PCNT: variants seen among roughly 807,000 people sequenced by gnomAD.
The protein encoded by PCNT is kendrin.
In PCNT, 319 loss-of-function variants were observed where a neutral mutation model predicts 380.4. The ratio of observed to expected loss-of-function variants is 0.84; its 90% confidence interval spans 0.77 to 0.92. The LOEUF (loss-of-function observed/expected upper bound fraction) is 0.92. Among genes scored for constraint, PCNT ranks in the 40% least tolerant of loss-of-function variants. The pLI, the probability that PCNT is intolerant of heterozygous loss-of-function variation, is 0.00. For synonymous variants in PCNT, 1,845 were observed against 1,735.2 expected (o/e 1.06, Z -1.57); for missense variants, 4,400 against 4,255.3 (o/e 1.03, Z -0.95).
intron 41 of PCNT, 109 bp downstream of exon 41, chr21:46,438,446 C>T (rs2053521102): frequency 6.4e-6 from 6 of 942,228 alleles, no homozygotes; most frequent in South Asian, 4.0e-5. Flanking sequence ...GGGATGTGGG[C>T]GTCACCTTCT....
Position 46,440,211 on chromosome 21 carries a change from G to T in PCNT, c.9393+9G>T, listed in dbSNP as rs562812369. On this transcript the variant is annotated intron_variant, in intron 42 of 46. Transcript: ENST00000359568. ...ACACCAGCAATGTCAAGGTAGGAAC[G>T]GTGCCACGAGTATAGAACTTTGGTG... The T allele has an allele frequency of 1.2e-6, 2 of 1,613,750 alleles. No homozygotes were observed. Among genetic ancestry groups the T allele is most frequent in the African/African-American group, 1.3e-5 (1 of 74,926 alleles).
rs2085952597 is a variant in PCNT, at chr21:46,389,313, G to A, written c.3722G>A (p.Ser1241Asn). 1 of 1,614,150 alleles carries A rather than the reference G, an allele frequency of 6.2e-7. No homozygotes were observed. Among genetic ancestry groups the A allele is most frequent in the African/African-American group, 1.3e-5 (1 of 74,946 alleles). Residue 1241 changes from serine (S) to asparagine (N), a missense_variant, in exon 19 of 47, where the codon AGC (serine) becomes AAC (asparagine). Ser to Asn is a conservative substitution (Grantham distance 46, BLOSUM62 1). Transcript: ENST00000359568. ...GAAATTAGCAGCCACATGCGTGAAA[G>A]CTTTCTCATGAGCCCAGAAAGTGTG... ...VAEISSHMRE[S>N]FLMSPESVRE... is the part of the protein sequence containing the mutation.
At chr21:46,443,500 G>A (rs1296744524) in intron 44 of PCNT, among the ~76,000 whole-genome samples, 1 of 152,096 alleles carries the variant, frequency 6.6e-6, no homozygotes, top group Non-Finnish European at 1.5e-5. Context: ...TGGTCTCCAG[G>A]GTTCCTGCCC....
chr21:46,386,566 G>A (rs149148142), intron 17 of PCNT, among the ~76,000 whole-genome samples: 14 of 152,322 alleles, frequency 9.2e-5, no homozygotes, highest in Non-Finnish European at 1.8e-4. Flanking sequence ...TGCTTACCAC[G>A]GGCCGTGGGG....
At chr21:46,402,908 T>A (rs182248479) in intron 27 of PCNT, among the ~76,000 whole-genome samples, 3,566 of 152,316 alleles carry the variant, frequency 0.023, 45 homozygotes, top group Non-Finnish European at 0.03. Flanking sequence ...AATTTTTTTT[T>A]AAATTTTTGT....
At chr21:46,414,111 C>T (rs1340953892) in intron 29 of PCNT, among the ~76,000 whole-genome samples, 1 of 152,122 alleles carries the variant, frequency 6.6e-6, no homozygotes, top group Non-Finnish European at 1.5e-5. Context: ...GCAGCCTCAG[C>T]CTCCCGAGTA....
rs760552063 is a variant in PCNT, at chr21:46,411,366, G to A, written c.5293G>A (p.Asp1765Asn). 11 of 1,614,060 alleles carry A rather than the reference G, an allele frequency of 6.8e-6. No individual in the cohort carries two copies. Among genetic ancestry groups the A allele is most frequent in the Admixed American group, 5.0e-5 (3 of 60,034 alleles). ...LMGPVVHEVS[D>N]SQAGSLQSEL... ...GGGGCCTGTGGTGCACGAAGTCAGC[G>A]ACAGTCAGGCTGGCAGTCTGCAGAG... The change falls in exon 28 of 47, where the codon GAC becomes AAC. Residue 1765 changes from aspartate (D) to asparagine (N), a missense_variant. Coordinates refer to ENST00000359568, the MANE Select transcript of PCNT (RefSeq NM_006031.6).
intron 15 of PCNT, among the ~76,000 whole-genome samples, chr21:46,375,179 G>C (rs772403605): frequency 6.6e-6 from 1 of 152,108 alleles, no homozygotes; most frequent in Non-Finnish European, 1.5e-5. Context: ...TGCCCCGCCT[G>C]TGCTGGTAAC....
chr21:46,426,659 C>G (rs930122341), intron 33 of PCNT, among the ~76,000 whole-genome samples: 17 of 152,218 alleles, frequency 1.1e-4, no homozygotes, highest in Non-Finnish European at 2.5e-4. Flanking sequence ...CTCCACACCC[C>G]AAGCCCCAGC....
intron 16 of PCNT, 32 bp downstream of exon 16, chr21:46,381,872 G>A (rs756973326): frequency 6.2e-7 from 1 of 1,610,686 alleles, no homozygotes; most frequent in Non-Finnish European, 8.5e-7. Flanking sequence ...CTTGTGATAA[G>A]ACGTGTATAG....
intron 12 of PCNT, 51 bp from the exon 13 acceptor site, chr21:46,356,923 A>G (rs1233618487): frequency 6.5e-7 from 1 of 1,542,466 alleles, no homozygotes; most frequent in Non-Finnish European, 9.0e-7. Flanking sequence ...TGTGGGCTCC[A>G]TCGAGGGCCG....
At chr21:46,378,857 G>A (rs543387859) in intron 15 of PCNT, among the ~76,000 whole-genome samples, 5 of 152,138 alleles carry the variant, frequency 3.3e-5, no homozygotes, top group South Asian at 4.1e-4. Context: ...TCATATTGTC[G>A]TACCAACCAC....
At chr21:46,441,709 G>A (rs2148105133) in intron 43 of PCNT, among the ~76,000 whole-genome samples, 1 of 152,246 alleles carries the variant, frequency 6.6e-6, no homozygotes, top group East Asian at 1.9e-4. Flanking sequence ...CTGTGTTCAT[G>A]GGGAGAACAC....
At chr21:46,362,989 T>C (rs1475892928) in intron 13 of PCNT, among the ~76,000 whole-genome samples, 1 of 152,266 alleles carries the variant, frequency 6.6e-6, no homozygotes, top group Non-Finnish European at 1.5e-5. Context: ...TTCATTGTCC[T>C]GGCGTTGACC....
Position 46,416,012 on chromosome 21 carries a change from G to A in PCNT, c.6151-57G>A, listed in dbSNP as rs796572208. 30 of 1,573,214 alleles carry A rather than the reference G, an allele frequency of 1.9e-5. No individual in the cohort carries two copies. In the African/African-American group the frequency reaches 3.8e-4, roughly 20 times the overall value. The stretch of plus-strand genomic sequence containing the variant: ...AAATCCACTCATTAACACCAGACAG[G>A]TGCGACTCCTGGTGAGCCAGGTATT... On this transcript the variant is annotated intron_variant, in intron 29 of 46. Transcript: ENST00000359568.
At chr21:46,418,758 CCT>C (rs1376650894) in intron 31 of PCNT, among the ~76,000 whole-genome samples, 2 of 152,256 alleles carry the variant, frequency 1.3e-5, no homozygotes, top group African/African-American at 2.4e-5. Flanking sequence ...GGTGGACGTC[CCT>C]CTCTCTGCTG....
intron 15 of PCNT, among the ~76,000 whole-genome samples, chr21:46,368,248 A>G (rs1187191873): frequency 2.0e-5 from 3 of 152,150 alleles, no homozygotes; most frequent in Non-Finnish European, 2.9e-5. Context: ...GATCGAGACC[A>G]TCCTGGCTAA....
intron 24 of PCNT, 118 bp from the exon 25 acceptor site, chr21:46,399,472 C>T (rs1206154595): frequency 2.7e-6 from 2 of 750,610 alleles, no homozygotes; most frequent in East Asian, 2.7e-5. Flanking sequence ...CCCTTTGGGT[C>T]TAGGGGAGGG....
At chr21:46,433,499 C>CTACA (rs2087853253) in intron 38 of PCNT, among the ~76,000 whole-genome samples, 1 of 152,118 alleles carries the variant, frequency 6.6e-6, no homozygotes, top group Admixed American at 6.5e-5. Flanking sequence ...GCAGGGGCGT[C>CTACA]TACACAGGAC....
Sources: allele counts gnomAD v4.1 joint callset (sites outside exome capture counted in the v4.1 genomes callset), GRCh38; gene constraint gnomAD v4.1.1; transcripts MANE v1.5; gene names NCBI Gene and HGNC (gene_info 2026-07-23, HGNC 2026-07-21).